SBF1: variants seen among roughly 807,000 people sequenced by gnomAD.
The protein encoded by SBF1 is myotubularin-related protein 5.
In SBF1, 65 loss-of-function variants were observed where a neutral mutation model predicts 215.8. That is an observed-to-expected ratio of 0.30 (90% CI 0.25 to 0.37). SBF1 has a LOEUF of 0.37. SBF1 is among the 10% of genes least tolerant of loss of function. SBF1 has a pLI of 1.00. For synonymous variants in SBF1, 1,410 were observed against 1,122.8 expected (o/e 1.26, Z -5.11); for missense variants, 2,634 against 2,667.8 (o/e 0.99, Z 0.28).
At chr22:50,461,054 C>T (rs989875128) in intron 23 of SBF1, 105 bp downstream of exon 23, 28 of 1,405,668 alleles carry the variant, frequency 2.0e-5, no homozygotes, top group Non-Finnish European at 2.7e-5. Flanking sequence ...AACAACAGGG[C>T]CACTGCTGGA....
In SBF1 at chr22:50,475,007, C is replaced by T. The variant is rs1207606305; in HGVS notation, c.-167G>A. 1.3e-5 allele frequency: 3 copies of T among 225,096 alleles called. No homozygotes were observed. The highest frequency in any genetic ancestry group is 2.3e-5 in the Non-Finnish European group (3 of 129,226). The allele number at this position is 225,096 out of a possible 1,614,324, so 13.9% of individuals were successfully genotyped here. On this transcript the variant is annotated 5_prime_UTR_variant, in exon 1 of 41. Transcript: ENST00000380817. ...CGGCGGCGGCGGCCCAGGTTCCCGCCGCCATCTTCCCAGCCAGCCGGCCCG... is the reference window on the plus strand; with the variant it reads ...CGGCGGCGGCGGCCCAGGTTCCCGCTGCCATCTTCCCAGCCAGCCGGCCCG...
chr22:50,467,557 C>T lies in SBF1; in HGVS notation c.413G>A (p.Arg138Gln), dbSNP rs765643685. Residue 138 changes from arginine to glutamine, a missense_variant, in exon 4 of 41, where the codon CGA becomes CAA. Physicochemically the swap from Arg to Gln is conservative, Grantham distance 43 (BLOSUM62 1). Transcript: ENST00000380817. ...FAPKTLVLVS[R>Q]LDHTEVFRNS... is the part of the protein sequence containing the mutation. ...CCTGAACACCTCCGTGTGGTCGAGT[C>T]GCGACACCAGTACCAGCGTCTTCGG... is the stretch of plus-strand genomic sequence containing the variant. The T allele has an allele frequency of 2.0e-4, 322 of 1,614,032 alleles. 1 individual carries two copies. Among genetic ancestry groups the T allele is most frequent in the Non-Finnish European group, 2.6e-4 (307 of 1,180,024 alleles).
chr22:50,467,978 G>A lies in SBF1; in HGVS notation c.142-55C>T, dbSNP rs1331526760. 9.4e-6 allele frequency: 15 copies of A among 1,589,480 alleles called. No individual in the cohort carries two copies. The Admixed American group carries it at 2.0e-4, about 21-fold the overall frequency. On this transcript the variant is annotated intron_variant, in intron 2 of 40. Coordinates refer to ENST00000380817, the MANE Select transcript of SBF1 (RefSeq NM_002972.4). Reference sequence around the variant, plus strand: ...CCCCCTACACCTGTGGCAGGAACCAGCCCACCCGCCCCAGCATCTGCACCA... The same window carrying A: ...CCCCCTACACCTGTGGCAGGAACCAACCCACCCGCCCCAGCATCTGCACCA...
chr22:50,468,237 G>T, intron 2 of SBF1, 139 bp downstream of exon 2: 1 of 807,724 alleles, frequency 1.2e-6, no homozygotes, highest in Non-Finnish European at 1.9e-6. Context: ...CAAACCCCCC[G>T]ACAGAGGCTC....
intron 18 of SBF1, 37 bp downstream of exon 18, chr22:50,462,521 CT>C (rs2067561711): frequency 1.3e-6 from 2 of 1,585,824 alleles, no homozygotes; most frequent in Non-Finnish European, 1.7e-6. Flanking sequence ...GCCCCAGCCC[CT>C]AGCCCCCAGC....
chr22:50,452,128 T>G (rs373619283), intron 36 of SBF1, among the ~76,000 whole-genome samples: 156 of 147,446 alleles, frequency 1.1e-3, no homozygotes, highest in South Asian at 9.2e-3. Flanking sequence ...GACATCAGTT[T>G]AACTGCTGAA....
In SBF1 at chr22:50,459,317, T is replaced by C. The variant is rs1412790291; in HGVS notation, c.3764A>G (p.Tyr1255Cys). 2 of 1,612,710 alleles carry C rather than the reference T, an allele frequency of 1.2e-6. No homozygotes were observed. The highest frequency in any genetic ancestry group is 1.1e-5 in the South Asian group (1 of 91,070). Residue 1255 changes from tyrosine (Y) to cysteine (C), a missense_variant, in exon 28 of 41, where the codon TAC (tyrosine) becomes TGC (cysteine). Transcript: ENST00000380817. ...CGTGTTGCGTCCCGACGCGTCGGCGTAGCGGGGCATGGAGCTGACCACAGC... is the reference window on the plus strand; with the variant it reads ...CGTGTTGCGTCCCGACGCGTCGGCGCAGCGGGGCATGGAGCTGACCACAGC... ...LQAVVSSMPR[Y>C]ADASGRNTLS... is the part of the protein sequence containing the mutation.
At chr22:50,458,748 C>T (rs767780737) in intron 28 of SBF1, among the ~76,000 whole-genome samples, 3 of 152,122 alleles carry the variant, frequency 2.0e-5, no homozygotes, top group Non-Finnish European at 4.4e-5. Context: ...AAGGCCAGCT[C>T]GGGCAAGGCC....
rs535713213 is a variant in SBF1 at position 50,450,911 on chromosome 22, C to T, written c.5044-2261G>A. Among the ~76,000 whole-genome samples the T allele has an allele frequency of 6.6e-5, 10 of 152,302 alleles. No homozygotes were observed. The East Asian group carries it at 1.9e-3, about 29-fold the overall frequency. On this transcript the variant is annotated intron_variant, in intron 36 of 40. Transcript: ENST00000380817. ...TCGCTTGACCCAAGGAGTGTGAGAA[C>T]AGCTTGGGCAACATGGCAAGACCCC...
intron 36 of SBF1, among the ~76,000 whole-genome samples, chr22:50,449,343 G>A (rs1467501007): frequency 4.6e-5 from 7 of 151,968 alleles, no homozygotes; most frequent in African/African-American, 1.7e-4. Flanking sequence ...AGGGCCAGGC[G>A]CGGTGGCTCA....
At chr22:50,451,166 C>CAAAAAAAAAA (rs58188399) in intron 36 of SBF1, among the ~76,000 whole-genome samples, 2 of 83,178 alleles carry the variant, frequency 2.4e-5, no homozygotes, top group African/African-American at 5.4e-5. Context: ...CCCATCTCTA[C>CAAAAAAAAAA]AAAAAAAAAA....
chr22:50,461,336 GGT>G (rs1396212320), intron 22 of SBF1, 50 bp from the exon 23 acceptor site: 2 of 1,555,354 alleles, frequency 1.3e-6, no homozygotes, highest in Non-Finnish European at 1.7e-6. Context: ...AGGGGGGGGG[GGT>G]CCCAGAATCT....
At chr22:50,472,900 G>A (rs1396328029) in intron 1 of SBF1, among the ~76,000 whole-genome samples, 1 of 152,200 alleles carries the variant, frequency 6.6e-6, no homozygotes, top group East Asian at 1.9e-4. Context: ...AGAAGGTAGT[G>A]GGTACAGGGC....
intron 6 of SBF1, 44 bp from the exon 7 acceptor site, chr22:50,466,526 C>G: frequency 1.3e-6 from 2 of 1,530,432 alleles, no homozygotes; most frequent in Non-Finnish European, 1.8e-6. Context: ...GGGCCCCCAC[C>G]CAGGCAGAGT....
chr22:50,474,619 AGCCCCCGGTCCTCGGCCCTCAGCGCCCG>A (rs2068110120), intron 1 of SBF1, among the ~76,000 whole-genome samples, 139 bp downstream of exon 1: 1 of 65,524 alleles, frequency 1.5e-5, no homozygotes, highest in Non-Finnish European at 3.3e-5. Flanking sequence ...CTCAGCGCCC[AGCCCCCGGTCCTCGGCCCTCAGCGCCCG>A]GCCCTCAGTC....
At chr22:50,452,263 AC>A (rs1300483689) in intron 36 of SBF1, among the ~76,000 whole-genome samples, 2 of 152,184 alleles carry the variant, frequency 1.3e-5, no homozygotes, top group African/African-American at 4.8e-5. Context: ...GGGATTTGTG[AC>A]TGGCAGCTCT....
In SBF1 at chr22:50,455,471, C is replaced by T. The variant is rs373360322; in HGVS notation, c.4368+10G>A. The T allele has an allele frequency of 1.5e-5, 24 of 1,611,506 alleles. No homozygotes were observed. The highest frequency in any genetic ancestry group is 1.6e-4 in the Middle Eastern group (1 of 6,084). On this transcript the variant is annotated intron_variant, in intron 32 of 40. Transcript: ENST00000380817. ...GAGCCTGGCCCACCCCAGCCCCACGCGCCACACACCTGGGTGGTGATGTCC... is the reference window on the plus strand; with the variant it reads ...GAGCCTGGCCCACCCCAGCCCCACGTGCCACACACCTGGGTGGTGATGTCC...
chr22:50,457,357 G>T, intron 28 of SBF1: 1 of 427,496 alleles, frequency 2.3e-6, no homozygotes, highest in South Asian at 5.9e-5. Context: ...GGGATCCCGG[G>T]CTCTCCTCTA....
rs2066834075 is a variant in SBF1, at chr22:50,446,738, G to A, written c.*404C>T. On this transcript the variant is annotated 3_prime_UTR_variant, in exon 41 of 41. Transcript: ENST00000380817. Reference sequence around the variant, plus strand: ...TCCCGCCAGGTGGGCCTGGATAGGGGCAGATGGGACCCTCTGGGTAGGCCG... The same window carrying A: ...TCCCGCCAGGTGGGCCTGGATAGGGACAGATGGGACCCTCTGGGTAGGCCG... 3 of 482,460 alleles carry A rather than the reference G, an allele frequency of 6.2e-6. No individual in the cohort carries two copies. The highest frequency in any genetic ancestry group is 1.2e-5 in the Non-Finnish European group (3 of 245,330). The allele number at this position is 482,460 out of a possible 1,614,324, so 29.9% of individuals were successfully genotyped here.
Sources: allele counts gnomAD v4.1 joint callset (sites outside exome capture counted in the v4.1 genomes callset), GRCh38; gene constraint gnomAD v4.1.1; transcripts MANE v1.5; gene names NCBI Gene and HGNC (gene_info 2026-07-23, HGNC 2026-07-21).